CGGBP1: variants seen among roughly 807,000 people sequenced by gnomAD.
The protein encoded by CGGBP1 is CGG triplet repeat binding protein 1.
Under a neutral mutation model 11.4 loss-of-function variants are expected in CGGBP1, and 4 were observed. The observed-to-expected ratio is 0.35, with a 90% CI of 0.17 to 0.80. The LOEUF (loss-of-function observed/expected upper bound fraction) is 0.80, where lower values mean the gene tolerates loss of function less well. CGGBP1 is among the 30% of genes least tolerant of loss of function. CGGBP1 has a pLI of 0.52. For synonymous variants in CGGBP1, 76 were observed against 74.1 expected (o/e 1.03, Z -0.13); for missense variants, 135 against 202.1 (o/e 0.67, Z 2.01).
chr3:88,087,350 C>G (rs1020983206), intron 2 of CGGBP1, among the ~76,000 whole-genome samples: 5 of 152,178 alleles, frequency 3.3e-5, no homozygotes, highest in African/African-American at 1.2e-4. Flanking sequence ...GCTGGGATTA[C>G]AGGCGTGAGC....
intron 2 of CGGBP1, chr3:88,135,280 T>G: frequency 8.4e-7 from 1 of 1,185,614 alleles, no homozygotes; most frequent in Non-Finnish European, 1.1e-6. Context: ...TTGATAAAAT[T>G]TATTTGATTT....
intron 2 of CGGBP1, among the ~76,000 whole-genome samples, chr3:88,066,736 C>A (rs1230581979): frequency 6.6e-6 from 1 of 152,096 alleles, no homozygotes; most frequent in Non-Finnish European, 1.5e-5. Flanking sequence ...TTGTTACTGG[C>A]ACTGAATTTT....
chr3:88,069,061 A>G (rs1225885331), intron 2 of CGGBP1, among the ~76,000 whole-genome samples: 1 of 152,320 alleles, frequency 6.6e-6, no homozygotes, highest in South Asian at 2.1e-4. Context: ...AGCAGAAACT[A>G]AAGATGTTCA....
chr3:88,071,740 G>A (rs1442028230), intron 2 of CGGBP1, among the ~76,000 whole-genome samples: 16 of 151,590 alleles, frequency 1.1e-4, no homozygotes, highest in Admixed American at 8.5e-4. Context: ...GGAGGCAGAG[G>A]TTGCAGTGAG....
At chr3:88,064,419 A>G (rs762197830) in intron 2 of CGGBP1, among the ~76,000 whole-genome samples, 1 of 152,210 alleles carries the variant, frequency 6.6e-6, no homozygotes, top group Non-Finnish European at 1.5e-5. Flanking sequence ...TTTGTGTCCA[A>G]ATGTTCAGTG....
At chr3:88,082,395 G>T (rs1388421986) in intron 2 of CGGBP1, among the ~76,000 whole-genome samples, 1 of 152,228 alleles carries the variant, frequency 6.6e-6, no homozygotes, top group Non-Finnish European at 1.5e-5. Context: ...AAAGTGTTGG[G>T]ATTACAGGCG....
At chr3:88,067,601 A>G (rs1426135999) in intron 2 of CGGBP1, among the ~76,000 whole-genome samples, 2 of 152,134 alleles carry the variant, frequency 1.3e-5, no homozygotes, top group East Asian at 3.9e-4. Context: ...AACCCAGAGA[A>G]CTGTGGTGTC....
intron 2 of CGGBP1, among the ~76,000 whole-genome samples, chr3:88,103,499 A>G (rs1057440918): frequency 6.6e-6 from 1 of 152,220 alleles, no homozygotes; most frequent in South Asian, 2.1e-4. Context: ...CTAAAACTGT[A>G]TAACATGTCT....
At chr3:88,075,596 AG>A (rs1207079110) in intron 2 of CGGBP1, among the ~76,000 whole-genome samples, 1 of 152,102 alleles carries the variant, frequency 6.6e-6, no homozygotes, top group Non-Finnish European at 1.5e-5. Flanking sequence ...TAATTATTCC[AG>A]GCCTTGCATA....
intron 2 of CGGBP1, among the ~76,000 whole-genome samples, chr3:88,103,762 CTTTT>C (rs56210218): frequency 7.2e-5 from 6 of 83,344 alleles, no homozygotes; most frequent in African/African-American, 1.7e-4. Flanking sequence ...GATGTATTAA[CTTTT>C]TTTTTTTTTT....
At chr3:88,147,834 A>T (rs1156332891) in intron 1 of CGGBP1, among the ~76,000 whole-genome samples, 1 of 152,160 alleles carries the variant, frequency 6.6e-6, no homozygotes, top group Non-Finnish European at 1.5e-5. Context: ...ACAGTGAGGG[A>T]AGGAGGTGCT....
Position 88,139,884 on chromosome 3 carries a change from G to A in CGGBP1, c.-229+1086C>T. ...TGTGTGCCATCCAAAAGACATATAT[G>A]CCACAGATCAAGAAGGAAACTTTAA... On this transcript the variant is annotated intron_variant, in intron 2 of 3. Transcript: ENST00000462901. The A allele has an allele frequency of 3.7e-6, 6 of 1,611,278 alleles. No homozygotes were observed. In the East Asian group the frequency reaches 1.3e-4, roughly 36 times the overall value.
chr3:88,131,753 T>C (rs1467326280), intron 2 of CGGBP1, among the ~76,000 whole-genome samples: 1 of 152,082 alleles, frequency 6.6e-6, no homozygotes, highest in African/African-American at 2.4e-5. Context: ...TACCCTCTTA[T>C]TTCTTCTACC....
At chr3:88,091,733 A>T (rs992409587) in intron 2 of CGGBP1, among the ~76,000 whole-genome samples, 3 of 152,136 alleles carry the variant, frequency 2.0e-5, no homozygotes, top group Non-Finnish European at 4.4e-5. Flanking sequence ...AATAAGTCTC[A>T]TGAGATCTGA....
intron 2 of CGGBP1, chr3:88,129,780 T>G: frequency 6.5e-7 from 1 of 1,527,742 alleles, no homozygotes. Flanking sequence ...ACTCTGTGAA[T>G]CCTTTCTTAT....
At chr3:88,125,903 T>G (rs1470190630) in intron 2 of CGGBP1, among the ~76,000 whole-genome samples, 1 of 152,180 alleles carries the variant, frequency 6.6e-6, no homozygotes, top group Non-Finnish European at 1.5e-5. Flanking sequence ...TCATCCCTAT[T>G]TGGGATTTTC....
chr3:88,104,877 G>A lies in CGGBP1; in HGVS notation c.-229+36093C>T, dbSNP rs144899785. On this transcript the variant is annotated intron_variant, in intron 2 of 3. Coordinates refer to the CGGBP1 transcript ENST00000462901. ...AATTCATCCAGGCACAGTGGCTTAC[G>A]CCTGTAATCCCAGCACTTTGGAAGG... Among the ~76,000 whole-genome samples, 336 of 152,296 alleles carry A rather than the reference G, an allele frequency of 2.2e-3. 1 individual carries two copies. The highest frequency in any genetic ancestry group is 4.2e-3 in the Non-Finnish European group (285 of 68,018).
At chr3:88,103,034 G>A (rs1372000292) in intron 2 of CGGBP1, among the ~76,000 whole-genome samples, 4 of 151,936 alleles carry the variant, frequency 2.6e-5, no homozygotes, top group South Asian at 2.1e-4. Flanking sequence ...ATGTCCATGA[G>A]TATGAAATGT....
intron 2 of CGGBP1, chr3:88,095,401 C>T (rs1417811068): frequency 3.0e-6 from 1 of 329,398 alleles, no homozygotes; most frequent in Admixed American, 4.5e-5. Flanking sequence ...ACAGGGATCA[C>T]CCCCTTTTAG....
Sources: allele counts gnomAD v4.1 joint callset (sites outside exome capture counted in the v4.1 genomes callset), GRCh38; gene constraint gnomAD v4.1.1; transcripts MANE v1.5; gene names NCBI Gene and HGNC (gene_info 2026-07-23, HGNC 2026-07-21).